Variants in CACNA1E observed in about 807,000 individuals in gnomAD.
CACNA1E encodes calcium voltage-gated channel subunit alpha1 E, also known as voltage-dependent R-type calcium channel subunit alpha-1E.
CACNA1E carries 40 observed loss-of-function variants against 259.2 expected under a neutral mutation model. That is an observed-to-expected ratio of 0.15 (90% CI 0.12 to 0.20). The LOEUF (loss-of-function observed/expected upper bound fraction) is 0.20, where lower values mean the gene tolerates loss of function less well. CACNA1E is among the 10% of genes least tolerant of loss of function. The pLI is 1.00. For missense variants in CACNA1E, 1,874 were observed against 3,040.1 expected, an observed-to-expected ratio of 0.62 and a Z score of 9.02; for synonymous variants, 1,104 against 1,138.5, an observed-to-expected ratio of 0.97 and a Z score of 0.61.
At chr1:181,772,349 C>T in intron 37 of CACNA1E, 118 bp downstream of exon 37, 2 of 943,060 alleles carry the variant, frequency 2.1e-6, no homozygotes, top group Non-Finnish European at 3.3e-6. Context: ...CTCCCCTCCT[C>T]TCTCCACACC....
intron 1 of CACNA1E, among the ~76,000 whole-genome samples, chr1:181,320,753 T>C (rs370389245): frequency 1.3e-5 from 2 of 152,018 alleles, no homozygotes; most frequent in Non-Finnish European, 2.9e-5. Context: ...GGTTCCAGAG[T>C]GGGGTAGATT....
chr1:181,666,414 T>C (rs901566387), intron 7 of CACNA1E, among the ~76,000 whole-genome samples: 3 of 152,110 alleles, frequency 2.0e-5, no homozygotes, highest in Admixed American at 2.0e-4. Flanking sequence ...TCTAAGGACA[T>C]ATATTCTGAT....
chr1:181,371,276 T>C (rs1275701162), intron 1 of CACNA1E, among the ~76,000 whole-genome samples: 3 of 152,160 alleles, frequency 2.0e-5, no homozygotes, highest in Admixed American at 2.0e-4. Context: ...TTTTTAAATT[T>C]AGTTTATTTT....
chr1:181,430,749 G>T (rs1198860580), intron 2 of CACNA1E, among the ~76,000 whole-genome samples: 1 of 152,148 alleles, frequency 6.6e-6, no homozygotes, highest in East Asian at 1.9e-4. Context: ...ACAAGCTTTA[G>T]CTGTCTGCCC....
chr1:181,449,173 G>A (rs1444337737), intron 2 of CACNA1E, among the ~76,000 whole-genome samples: 4 of 151,366 alleles, frequency 2.6e-5, no homozygotes, highest in Non-Finnish European at 5.9e-5. Flanking sequence ...TTTGGATGTG[G>A]GTAGACTATT....
intron 28 of CACNA1E, 108 bp downstream of exon 28, chr1:181,755,505 C>G (rs1279650722): frequency 3.5e-6 from 3 of 858,508 alleles, no homozygotes; most frequent in Non-Finnish European, 5.5e-6. Flanking sequence ...CCCATCTCTG[C>G]TCTTCTTTCA....
chr1:181,687,786 A>G (rs969886132), intron 7 of CACNA1E, among the ~76,000 whole-genome samples: 2 of 152,248 alleles, frequency 1.3e-5, no homozygotes, highest in East Asian at 1.9e-4. Flanking sequence ...TTCCTACTAT[A>G]ACTTTAAAAG....
intron 1 of CACNA1E, among the ~76,000 whole-genome samples, chr1:181,507,514 T>C (rs186383155): frequency 3.3e-4 from 51 of 152,282 alleles, no homozygotes; most frequent in African/African-American, 1.2e-3. Context: ...GTGGAGGAAC[T>C]GCCATGGTCC....
intron 7 of CACNA1E, among the ~76,000 whole-genome samples, chr1:181,690,855 T>A (rs1470092777): frequency 6.6e-6 from 1 of 151,918 alleles, no homozygotes; most frequent in East Asian, 1.9e-4. Flanking sequence ...TTTTTTTTAA[T>A]CAAGTATTTT....
chr1:181,353,631 T>C (rs770674352), intron 1 of CACNA1E, among the ~76,000 whole-genome samples: 4 of 152,276 alleles, frequency 2.6e-5, no homozygotes, highest in Non-Finnish European at 5.9e-5. Context: ...CCATGCATGC[T>C]AGACACTTTG....
intron 6 of CACNA1E, among the ~76,000 whole-genome samples, chr1:181,631,925 T>G (rs1656785872): frequency 6.6e-6 from 1 of 152,064 alleles, no homozygotes; most frequent in Admixed American, 6.6e-5. Context: ...TTACCTCAGG[T>G]TTCAAGTAGA....
intron 2 of CACNA1E, among the ~76,000 whole-genome samples, chr1:181,424,771 T>C (rs1247876143): frequency 1.3e-5 from 2 of 152,194 alleles, no homozygotes; most frequent in Non-Finnish European, 2.9e-5. Context: ...AAGGCAGGCC[T>C]TGGGGGAGGA....
chr1:181,757,048 C>A lies in CACNA1E; in HGVS notation c.4251C>A (p.Ile1417=), dbSNP rs1250099316. The change falls in exon 30 of 48, where the codon ATC becomes ATA. Residue 1417 remains isoleucine (I), a synonymous_variant. Transcript: ENST00000367573. ...TCTTCCCCTTCTTCTTTGTCAATAT[C>A]TTTGTGGCTCTCATCATCATCACCT... The part of the protein sequence containing the change: ...FVVFPFFFVN[I]FVALIIITFQ... 15 of 1,613,796 alleles carry A rather than the reference C, an allele frequency of 9.3e-6. No homozygotes were observed. Among genetic ancestry groups the A allele is most frequent in the African/African-American group, 2.7e-5 (2 of 75,032 alleles).
At chr1:181,450,937 G>A (rs1661118331) in intron 2 of CACNA1E, among the ~76,000 whole-genome samples, 1 of 152,170 alleles carries the variant, frequency 6.6e-6, no homozygotes, top group South Asian at 2.1e-4. Flanking sequence ...GTAGGACTTT[G>A]TGATTGAAGA....
upstream of CACNA1E, among the ~76,000 whole-genome samples, chr1:181,482,457 T>C (rs556414186): frequency 2.4e-4 from 37 of 152,372 alleles, no homozygotes; most frequent in African/African-American, 8.2e-4. Context: ...GACTCTTCAC[T>C]GGACCTTTGC....
At chr1:181,768,008 A>G (rs931877510) in intron 35 of CACNA1E, among the ~76,000 whole-genome samples, 5 of 152,228 alleles carry the variant, frequency 3.3e-5, no homozygotes, top group African/African-American at 1.2e-4. Context: ...GCTCGTATAC[A>G]ATGTGTAATG....
intron 2 of CACNA1E, among the ~76,000 whole-genome samples, chr1:181,468,820 T>C (rs1206749943): frequency 6.6e-6 from 1 of 152,054 alleles, no homozygotes; most frequent in Non-Finnish European, 1.5e-5. Context: ...TGAGAAATGA[T>C]ATGGAGGAGG....
At chr1:181,775,067 A>AGAT (rs1180689956) in intron 37 of CACNA1E, among the ~76,000 whole-genome samples, 1 of 152,248 alleles carries the variant, frequency 6.6e-6, no homozygotes, top group African/African-American at 2.4e-5. Flanking sequence ...CAACATCTCA[A>AGAT]GATGGCTGTA....
chr1:181,683,461 G>A (rs1180151310), intron 7 of CACNA1E, among the ~76,000 whole-genome samples: 1 of 152,118 alleles, frequency 6.6e-6, no homozygotes, highest in Non-Finnish European at 1.5e-5. Flanking sequence ...TTAGGTTCAA[G>A]GAGGTACGTG....
Sources: gnomAD v4.1 joint callset for allele counts (sites outside exome capture counted in the v4.1 genomes callset) on GRCh38, gnomAD v4.1.1 for gene constraint, MANE v1.5 for transcripts, NCBI Gene and HGNC (gene_info 2026-07-23, HGNC 2026-07-21) for gene names.